Variants in ZNF469 observed in about 807,000 individuals in gnomAD.
ZNF469 encodes the protein zinc finger protein 469.
A neutral mutation model predicts 1.0 loss-of-function variants in ZNF469; 1 was observed. That is an observed-to-expected ratio of 1.00 (90% CI 0.35 to 4.73). The LOEUF (loss-of-function observed/expected upper bound fraction) is 4.73, where lower values mean the gene tolerates loss of function less well. ZNF469 is among the 30% of genes most tolerant of loss of function. The pLI is 0.16. For missense variants in ZNF469, 6,100 were observed against 5,356.3 expected (o/e 1.14, Z -4.33); for synonymous variants, 2,703 against 2,363.4 (o/e 1.14, Z -4.17).
the ZNF469 span, among the ~76,000 whole-genome samples, chr16:88,302,184 G>C: frequency 0.72 from 110,120 of 152,124 alleles, 40,284 homozygotes; most frequent in East Asian, 0.93. Flanking sequence ...AGGGAGGACG[G>C]AGGAGCTGCA....
At chr16:88,235,613 C>T in the ZNF469 span, among the ~76,000 whole-genome samples, 2 of 152,250 alleles carry the variant, frequency 1.3e-5, no homozygotes, top group South Asian at 2.1e-4. Flanking sequence ...TCTTGAATTC[C>T]TCCCACCTGA....
the ZNF469 span, among the ~76,000 whole-genome samples, chr16:88,204,226 C>G: frequency 6.6e-6 from 1 of 151,646 alleles, no homozygotes; most frequent in Non-Finnish European, 1.5e-5. Flanking sequence ...GGAGGCGCCC[C>G]GTAACCCCAT....
the ZNF469 span, among the ~76,000 whole-genome samples, chr16:88,128,372 A>G: frequency 1.3e-5 from 2 of 152,090 alleles, no homozygotes; most frequent in Non-Finnish European, 2.9e-5. Flanking sequence ...ATGATATAGC[A>G]TATTTTTTAA....
chr16:88,436,878 C>T lies in ZNF469; in HGVS notation c.9408C>T (p.Ala3136=). The change falls in exon 3 of 3, where the codon GCC becomes GCT. Residue 3136 remains alanine, a synonymous_variant. Transcript: ENST00000565624. ...SLGELDLHKL[A]HTPAPPPTCY... is the part of the protein sequence containing the mutation. ...GCGAGCTGGACCTGCACAAGCTGGC[C>T]CACACGCCCGCGCCGCCGCCCACCT... 1 of 1,513,998 alleles carries T rather than the reference C, an allele frequency of 6.6e-7. No individual in the cohort carries two copies. Among genetic ancestry groups the T allele is most frequent in the Non-Finnish European group, 8.8e-7 (1 of 1,133,382 alleles). The allele number at this position is 1,513,998 out of a possible 1,614,324, so 93.8% of individuals were successfully genotyped here.
At chr16:88,108,471 C>T in the ZNF469 span, among the ~76,000 whole-genome samples, 2 of 152,222 alleles carry the variant, frequency 1.3e-5, no homozygotes, top group Admixed American at 1.3e-4. Flanking sequence ...AATTCAATTG[C>T]TCTTTCCACC....
the ZNF469 span, among the ~76,000 whole-genome samples, chr16:88,189,097 C>T: frequency 6.6e-6 from 1 of 152,280 alleles, no homozygotes; most frequent in South Asian, 2.1e-4. This position sits in a 1 kb window ranked among gnomAD's most constrained non-coding sequence, Gnocchi z 4.3. Context: ...ATACACTGGC[C>T]TTCTGTAGAG....
At chr16:88,329,001 G>A in the ZNF469 span, among the ~76,000 whole-genome samples, 3,623 of 152,278 alleles carry the variant, frequency 0.024, 65 homozygotes, top group Non-Finnish European at 0.035. Context: ...ACCCGCAGCC[G>A]GAGTCCTTCA....
Position 88,439,446 on chromosome 16 carries a change from C to A in ZNF469, c.*114C>A. 1 of 1,180,352 alleles carries A rather than the reference C, an allele frequency of 8.5e-7. No individual in the cohort carries two copies. Among genetic ancestry groups the A allele is most frequent in the Non-Finnish European group, 1.2e-6 (1 of 816,854 alleles). 73.1% of individuals were successfully genotyped at this position (1,180,352 alleles called of 1,614,324 possible). A position where few individuals can be genotyped will look rare whatever the true frequency, so the allele number is the denominator to read the frequency against. On this transcript the variant is annotated 3_prime_UTR_variant, in exon 3 of 3. Transcript: ENST00000565624. ...CTCTGTGGCCACTTGACTTCTTGTG[C>A]AACTGCTCAGGCCTTGATGTCAGAG... is the stretch of plus-strand genomic sequence containing the variant.
At chr16:88,325,647 C>T in the ZNF469 span, among the ~76,000 whole-genome samples, 3 of 152,244 alleles carry the variant, frequency 2.0e-5, no homozygotes, top group Non-Finnish European at 4.4e-5. Context: ...CTGGTCCCAT[C>T]CCTCATGCAA....
upstream of ZNF469, among the ~76,000 whole-genome samples, chr16:88,380,526 C>G (rs1567495451): frequency 9.0e-6 from 1 of 111,170 alleles, no homozygotes; most frequent in African/African-American, 3.6e-5. Flanking sequence ...CACACACGCA[C>G]TAACACACAC....
rs74547407 is a variant in ZNF469 at position 88,429,555 on chromosome 16, C to T, written c.2085C>T (p.Pro695=). ...AGACCCCATTCCCCCACGAGGGCCC[C>T]GAGGTGGGTCGGGGAGGGCTGCAGG... ...LEETPFPHEG[P]EVGRGGLQGF... Residue 695 remains proline, a synonymous_variant, in exon 3 of 3, where the codon CCC becomes CCT. Transcript: ENST00000565624. The T allele has an allele frequency of 1.3e-3, 2,078 of 1,550,142 alleles. 28 individuals carry two copies. In the African/African-American group the frequency reaches 0.026, roughly 19 times the overall value.
At chr16:88,328,118 C>T in the ZNF469 span, among the ~76,000 whole-genome samples, 3 of 152,190 alleles carry the variant, frequency 2.0e-5, no homozygotes, top group Admixed American at 6.5e-5. Flanking sequence ...TCGAGGAATC[C>T]GCAGGTCCCA....
At chr16:88,238,922 C>A in the ZNF469 span, among the ~76,000 whole-genome samples, 1 of 152,154 alleles carries the variant, frequency 6.6e-6, no homozygotes, top group Non-Finnish European at 1.5e-5. Flanking sequence ...TCCCTCCCTC[C>A]CATGGCCTTG....
chr16:88,351,261 G>A, the ZNF469 span, among the ~76,000 whole-genome samples: 6 of 152,342 alleles, frequency 3.9e-5, no homozygotes, highest in African/African-American at 1.2e-4. Context: ...GCCCAGCTGC[G>A]GGTCACTGGG....
chr16:88,239,667 GTATATATATA>G, the ZNF469 span, among the ~76,000 whole-genome samples: 327 of 28,142 alleles, frequency 0.012, 10 homozygotes, highest in Non-Finnish European at 0.021. Flanking sequence ...TTTTTTTTTT[GTATATATATA>G]TATATATATA....
chr16:88,239,549 G>A, the ZNF469 span, among the ~76,000 whole-genome samples: 32 of 148,052 alleles, frequency 2.2e-4, no homozygotes, highest in African/African-American at 7.2e-4. Context: ...GTGCAGTGGC[G>A]CGATCTCGGC....
At chr16:88,276,108 G>C in the ZNF469 span, among the ~76,000 whole-genome samples, 1 of 152,148 alleles carries the variant, frequency 6.6e-6, no homozygotes, top group African/African-American at 2.4e-5. Flanking sequence ...ACAGTGCAAC[G>C]ACCAAACAGA....
chr16:88,185,380 G>T, the ZNF469 span, among the ~76,000 whole-genome samples: 13,181 of 148,560 alleles, frequency 0.089, 815 homozygotes, highest in East Asian at 0.27. Context: ...ACACTTGTGT[G>T]TGCAGAGAAC....
At chr16:88,358,307 G>A in the ZNF469 span, among the ~76,000 whole-genome samples, 6 of 152,184 alleles carry the variant, frequency 3.9e-5, no homozygotes, top group Admixed American at 2.0e-4. Flanking sequence ...ACCCGGGGGA[G>A]GGGGGCTGGT....
Sources: gnomAD v4.1 joint callset for allele counts (sites outside exome capture counted in the v4.1 genomes callset) on GRCh38, gnomAD v4.1.1 for gene constraint, Gnocchi (gnomAD v3.1) non-coding constraint, MANE v1.5 for transcripts, NCBI Gene and HGNC (gene_info 2026-07-23, HGNC 2026-07-21) for gene names.